Variants in SF3B3 observed in about 807,000 individuals in gnomAD.
SF3B3 encodes the protein splicing factor 3b subunit 3, also known as SAP 130.
A neutral mutation model predicts 139.2 loss-of-function variants in SF3B3; 33 were observed. That is an observed-to-expected ratio of 0.24 (90% CI 0.18 to 0.32). SF3B3 has a LOEUF of 0.32. Ranked by LOEUF, SF3B3 falls within the 10% of genes least tolerant of loss-of-function variation. SF3B3 has a pLI of 1.00. For synonymous variants in SF3B3, 596 were observed against 563.6 expected, an observed-to-expected ratio of 1.06 and a Z score of -0.81; for missense variants, 818 against 1,509.4, an observed-to-expected ratio of 0.54 and a Z score of 7.59.
chr16:70,550,277 G>A (rs1336486169), intron 11 of SF3B3: 1 of 152,222 alleles, frequency 6.6e-6, no homozygotes, highest in African/African-American at 2.4e-5. Flanking sequence ...TGCTGGGAGG[G>A]GTTAAAGGAG....
chr16:70,559,949 G>C (rs762979101), intron 15 of SF3B3, among the ~76,000 whole-genome samples: 1 of 151,818 alleles, frequency 6.6e-6, no homozygotes, highest in Non-Finnish European at 1.5e-5. Flanking sequence ...ACTCATTCTA[G>C]AAAAGTGGGA....
In SF3B3 at chr16:70,528,980, G is replaced by A. The variant is rs1158315148; in HGVS notation, c.178G>A (p.Gly60Ser). 7 of 1,614,088 alleles carry A rather than the reference G, an allele frequency of 4.3e-6. No individual in the cohort carries two copies. In the East Asian group the frequency reaches 6.7e-5, roughly 15 times the overall value. Residue 60 changes from glycine (G) to serine (S), a missense_variant, in exon 3 of 26, where the codon GGT (glycine) becomes AGT (serine). By Grantham distance (56) the Gly-to-Ser change is moderately conservative. Coordinates refer to ENST00000302516, the MANE Select transcript of SF3B3 (RefSeq NM_012426.5). ...VHTLLTVEVF[G>S]VIRSLMAFRL... ...TACCCTACTCACTGTGGAAGTATTC[G>A]GTGTTATCCGGTCACTCATGGCCTT...
At position 70,561,644 on chromosome 16, in the gene SF3B3, A is replaced by G; in HGVS notation, c.2148A>G (p.Ser716=). ...TTTCCCCTCAGGTATTGGCCATGTCAAGCCGCTCATGGTTGAGCTATTCTT... is the reference window on the plus strand; with the variant it reads ...TTTCCCCTCAGGTATTGGCCATGTCGAGCCGCTCATGGTTGAGCTATTCTT... The part of the protein sequence containing the change: ...MQGQEAVLAM[S]SRSWLSYSYQ... Residue 716 remains serine, a synonymous_variant, in exon 17 of 26, where the codon TCA becomes TCG. Transcript: ENST00000302516. 6.2e-7 allele frequency: 1 copy of G among 1,613,784 alleles called. No homozygotes were observed. Among genetic ancestry groups the G allele is most frequent in the South Asian group, 1.1e-5 (1 of 91,032 alleles).
Position 70,526,782 on chromosome 16 carries a change from C to T in SF3B3, c.70+56C>T, listed in dbSNP as rs377696925. 4.2e-5 allele frequency: 50 copies of T among 1,186,184 alleles called. No homozygotes were observed. The Middle Eastern group carries it at 1.7e-3, about 41-fold the overall frequency. 73.5% of individuals were successfully genotyped at this position (1,186,184 alleles called of 1,614,324 possible). On this transcript the variant is annotated intron_variant, in intron 2 of 25. Transcript: ENST00000302516. ...TTTAAGTGAATTAATACATATCTTG[C>T]TTAGTCTCTTGTGCAGGAAATGTTT...
At chr16:70,560,638 G>A (rs761928019) in intron 16 of SF3B3, 47 bp downstream of exon 16, 6 of 1,599,286 alleles carry the variant, frequency 3.8e-6, no homozygotes, top group Non-Finnish European at 2.6e-6. Context: ...GGATTTTAGT[G>A]GCACCATCTG....
intron 15 of SF3B3, 141 bp downstream of exon 15, chr16:70,557,170 C>T (rs2050386884): frequency 2.4e-6 from 2 of 831,594 alleles, no homozygotes; most frequent in East Asian, 2.9e-5. Flanking sequence ...ACTCTGGGTT[C>T]CACTTTTCTC....
intron 25 of SF3B3, 27 bp downstream of exon 25, chr16:70,571,226 A>G (rs767127243): frequency 1.1e-5 from 17 of 1,500,062 alleles, no homozygotes; most frequent in East Asian, 2.3e-5. Context: ...TGAGCTGAAA[A>G]GGGAGATCTG....
At chr16:70,563,702 C>T (rs2050450151) in intron 17 of SF3B3, 174 bp from the exon 18 acceptor site, 1 of 584,934 alleles carries the variant, frequency 1.7e-6, no homozygotes, top group Non-Finnish European at 3.0e-6. Context: ...CTTCCTGGAT[C>T]TCTGTGTCTG....
At chr16:70,538,526 CT>C in intron 7 of SF3B3, 66 bp downstream of exon 7, 1 of 1,359,410 alleles carries the variant, frequency 7.4e-7, no homozygotes, top group Non-Finnish European at 1.0e-6. Flanking sequence ...ACAGGTAATA[CT>C]TTACAAGTTA....
chr16:70,540,143 C>G (rs1169685658), intron 8 of SF3B3, among the ~76,000 whole-genome samples: 1 of 149,288 alleles, frequency 6.7e-6, no homozygotes, highest in Non-Finnish European at 1.5e-5. Flanking sequence ...GCCTGTAATC[C>G]AAGCACTTTG....
intron 5 of SF3B3, among the ~76,000 whole-genome samples, chr16:70,533,052 A>G (rs1422054077): frequency 1.3e-5 from 2 of 152,268 alleles, no homozygotes; most frequent in Non-Finnish European, 2.9e-5. Flanking sequence ...AGATTGATCC[A>G]AAAATAAATT....
rs1249801354 is a variant in SF3B3 at position 70,576,173 on chromosome 16, A to G, written c.*4360A>G. The G allele has an allele frequency of 6.6e-6, 1 of 152,148 alleles. No individual in the cohort carries two copies. Among genetic ancestry groups the G allele is most frequent in the Non-Finnish European group, 1.5e-5 (1 of 68,044 alleles). The allele number at this position is 152,148 out of a possible 1,614,324, so 9.4% of individuals were successfully genotyped here. Reference sequence around the variant, plus strand: ...TTATGATCAGTAGCTGTGATGGACAATGAACATTGCTGCTTGTTCAAAATG... The same window carrying G: ...TTATGATCAGTAGCTGTGATGGACAGTGAACATTGCTGCTTGTTCAAAATG... On this transcript the variant is annotated 3_prime_UTR_variant, in exon 26 of 26. Transcript: ENST00000302516.
intron 11 of SF3B3, among the ~76,000 whole-genome samples, chr16:70,549,204 G>C (rs2050297975): frequency 6.6e-6 from 1 of 152,162 alleles, no homozygotes; most frequent in Admixed American, 6.5e-5. Flanking sequence ...CTAGCAGACA[G>C]GTTTTTCAAG....
chr16:70,525,691 G>A (rs1199787638), intron 1 of SF3B3, among the ~76,000 whole-genome samples: 2 of 151,972 alleles, frequency 1.3e-5, no homozygotes, highest in African/African-American at 2.4e-5. Flanking sequence ...TATGGGCTGG[G>A]CGCGGTGGCT....
chr16:70,575,078 C>G lies in SF3B3; in HGVS notation c.*3265C>G, dbSNP rs530797150. The G allele has an allele frequency of 2.6e-5, 4 of 152,128 alleles. No individual in the cohort carries two copies. The South Asian group carries it at 6.2e-4, about 24-fold the overall frequency. The allele number at this position is 152,128 out of a possible 1,614,324, so 9.4% of individuals were successfully genotyped here. The stretch of plus-strand genomic sequence containing the variant: ...TTGACATTTGAGTGATCTGGTAGCC[C>G]AACACACCCTGTGAAGTTCAGGTGA... On this transcript the variant is annotated 3_prime_UTR_variant, in exon 26 of 26. Coordinates refer to ENST00000302516, the MANE Select transcript of SF3B3 (RefSeq NM_012426.5).
At chr16:70,568,634 A>C in intron 22 of SF3B3, 139 bp downstream of exon 22, 1 of 673,762 alleles carries the variant, frequency 1.5e-6, no homozygotes, top group Non-Finnish European at 2.5e-6. Flanking sequence ...CTAACTCTAC[A>C]AGCAATCTGT....
intron 7 of SF3B3, 26 bp downstream of exon 7, chr16:70,538,486 A>G (rs371765430): frequency 3.0e-5 from 47 of 1,587,502 alleles, no homozygotes; most frequent in African/African-American, 1.6e-4. Flanking sequence ...ATGGACCAGT[A>G]TAGCTACTCT....
intron 10 of SF3B3, among the ~76,000 whole-genome samples, chr16:70,545,842 T>C (rs902574761): frequency 6.6e-6 from 1 of 152,198 alleles, no homozygotes; most frequent in African/African-American, 2.4e-5. Context: ...GCATGAAGTG[T>C]TCGATAAATG....
chr16:70,575,084 A>G lies in SF3B3; in HGVS notation c.*3271A>G, dbSNP rs11645214. On this transcript the variant is annotated 3_prime_UTR_variant, in exon 26 of 26. Coordinates refer to ENST00000302516, the MANE Select transcript of SF3B3 (RefSeq NM_012426.5). ...TTTGAGTGATCTGGTAGCCCAACAC[A>G]CCCTGTGAAGTTCAGGTGAACTGAA... 0.39 allele frequency: 59,286 copies of G among 151,416 alleles called. 11,850 individuals are homozygous for G. The highest frequency in any genetic ancestry group is 0.63 in the South Asian group (3,016 of 4,802). 9.4% of individuals were successfully genotyped at this position (151,416 alleles called of 1,614,324 possible). A position where few individuals can be genotyped will look rare whatever the true frequency, so the allele number is the denominator to read the frequency against.
Sources: allele counts gnomAD v4.1 joint callset (sites outside exome capture counted in the v4.1 genomes callset), GRCh38; gene constraint gnomAD v4.1.1; transcripts MANE v1.5; gene names NCBI Gene and HGNC (gene_info 2026-07-23, HGNC 2026-07-21).